The following CAMK4 variants were observed in gnomAD, a reference collection of about 807,000 sequenced individuals.
CAMK4 encodes calcium/calmodulin-dependent protein kinase type IV.
Under a neutral mutation model 44.9 loss-of-function variants are expected in CAMK4, and 22 were observed. The observed-to-expected ratio is 0.49, with a 90% CI of 0.35 to 0.70. The LOEUF is 0.70. Ranked by LOEUF, CAMK4 falls within the 30% of genes least tolerant of loss-of-function variation. The pLI is 0.01. For missense variants in CAMK4, 498 were observed against 586.8 expected (o/e 0.85, Z 1.56); for synonymous variants, 218 against 215.4 (o/e 1.01, Z -0.11).
At chr5:111,385,902 C>A (rs1372117756) in intron 4 of CAMK4, among the ~76,000 whole-genome samples, 2 of 152,056 alleles carry the variant, frequency 1.3e-5, no homozygotes. Context: ...TGAGTCAGGC[C>A]TTTTATCTAT....
chr5:111,458,606 A>C (rs1754504164), intron 7 of CAMK4, among the ~76,000 whole-genome samples: 1 of 152,330 alleles, frequency 6.6e-6, no homozygotes, highest in Middle Eastern at 3.4e-3. Flanking sequence ...CATGTAAAAT[A>C]TACAGAAAGA....
At chr5:111,242,701 C>T (rs982817693) in intron 1 of CAMK4, among the ~76,000 whole-genome samples, 2 of 152,134 alleles carry the variant, frequency 1.3e-5, no homozygotes, top group Admixed American at 6.5e-5. Flanking sequence ...TGCCGTCTTA[C>T]GCCCACCACT....
At chr5:111,370,477 G>C (rs1034109507) in intron 2 of CAMK4, among the ~76,000 whole-genome samples, 34 of 152,228 alleles carry the variant, frequency 2.2e-4, no homozygotes, top group African/African-American at 8.2e-4. Context: ...GCGGGTGTGG[G>C]AGTGGGAGAA....
chr5:111,239,320 T>C (rs1235020353), intron 1 of CAMK4, among the ~76,000 whole-genome samples: 6 of 152,212 alleles, frequency 3.9e-5, no homozygotes, highest in African/African-American at 1.4e-4. Context: ...GGATTTTTTT[T>C]AACCTTGTCA....
chr5:111,384,484 A>G (rs1318041518), intron 4 of CAMK4, among the ~76,000 whole-genome samples: 1 of 152,164 alleles, frequency 6.6e-6, no homozygotes, highest in Non-Finnish European at 1.5e-5. Context: ...CTACAGTATC[A>G]GCTAAGATGA....
At position 111,404,850 on chromosome 5, in the gene CAMK4, A is replaced by G. The variant is rs73216077; in HGVS notation, c.459+10068A>G. On this transcript the variant is annotated intron_variant, in intron 5 of 10. Transcript: ENST00000282356. Reference sequence around the variant, plus strand: ...CTATGTTATTCTTAGCTTACACCATATATAAAATATTATTTTGATGATTAT... The same window carrying G: ...CTATGTTATTCTTAGCTTACACCATGTATAAAATATTATTTTGATGATTAT... Among the ~76,000 whole-genome samples the G allele has an allele frequency of 1.7e-3, 252 of 152,330 alleles. 2 individuals carry two copies. Among genetic ancestry groups the G allele is most frequent in the African/African-American group, 5.7e-3 (236 of 41,568 alleles).
At chr5:111,241,772 T>C (rs904301339) in intron 1 of CAMK4, among the ~76,000 whole-genome samples, 3 of 152,194 alleles carry the variant, frequency 2.0e-5, no homozygotes, top group African/African-American at 7.2e-5. Flanking sequence ...TGCCAGTAAA[T>C]CATGCAATTG....
intron 1 of CAMK4, among the ~76,000 whole-genome samples, chr5:111,291,941 T>C (rs1442920474): frequency 1.3e-5 from 2 of 152,256 alleles, no homozygotes; most frequent in Non-Finnish European, 2.9e-5. Flanking sequence ...ATAAGGACAG[T>C]GTCTAGACAT....
intron 1 of CAMK4, among the ~76,000 whole-genome samples, chr5:111,254,948 A>G (rs1749677102): frequency 6.6e-6 from 1 of 151,904 alleles, no homozygotes; most frequent in East Asian, 2.0e-4. Context: ...GCTGGGGGGA[A>G]ATGTGAAGCA....
At chr5:111,235,987 G>T (rs1478365965) in intron 1 of CAMK4, among the ~76,000 whole-genome samples, 1 of 152,230 alleles carries the variant, frequency 6.6e-6, no homozygotes, top group African/African-American at 2.4e-5. Context: ...ACAGGAACAG[G>T]CAGGACACAA....
chr5:111,396,097 A>G (rs1725816235), intron 5 of CAMK4, among the ~76,000 whole-genome samples: 1 of 152,056 alleles, frequency 6.6e-6, no homozygotes, highest in Non-Finnish European at 1.5e-5. Flanking sequence ...CTGATATCTA[A>G]CTAGCCTCTG....
At chr5:111,386,411 T>C (rs1751604837) in intron 4 of CAMK4, among the ~76,000 whole-genome samples, 1 of 152,210 alleles carries the variant, frequency 6.6e-6, no homozygotes, top group African/African-American at 2.4e-5. Context: ...ACAGTTATTA[T>C]GCAGCCATTT....
intron 1 of CAMK4, among the ~76,000 whole-genome samples, chr5:111,228,862 G>A (rs538495207): frequency 1.4e-4 from 22 of 152,224 alleles, no homozygotes; most frequent in African/African-American, 5.3e-4. Flanking sequence ...TTTGCCTCCA[G>A]GTCATTACTG....
chr5:111,335,133 A>C (rs1749343914), intron 1 of CAMK4, among the ~76,000 whole-genome samples: 1 of 151,526 alleles, frequency 6.6e-6, no homozygotes, highest in Non-Finnish European at 1.5e-5. Flanking sequence ...TTGCATTTGC[A>C]AGGAGTACAT....
intron 1 of CAMK4, among the ~76,000 whole-genome samples, chr5:111,288,951 C>T (rs936068997): frequency 1.3e-5 from 2 of 152,188 alleles, no homozygotes; most frequent in African/African-American, 2.4e-5. Context: ...GTTAAAGTCC[C>T]ATGCACAGAG....
At chr5:111,242,152 C>T (rs1749023640) in intron 1 of CAMK4, among the ~76,000 whole-genome samples, 1 of 152,158 alleles carries the variant, frequency 6.6e-6, no homozygotes, top group Admixed American at 6.5e-5. Flanking sequence ...GTACATGTTA[C>T]CCCCATTTGC....
intron 1 of CAMK4, among the ~76,000 whole-genome samples, chr5:111,275,300 C>A (rs1221631326): frequency 6.6e-6 from 1 of 152,044 alleles, no homozygotes; most frequent in African/African-American, 2.4e-5. Flanking sequence ...GAGAACAAGA[C>A]CAGAATCTTA....
intron 1 of CAMK4, among the ~76,000 whole-genome samples, chr5:111,303,890 G>A (rs1198972033): frequency 6.8e-5 from 9 of 133,126 alleles, no homozygotes; most frequent in South Asian, 2.5e-4. Context: ...GACTAACAGC[G>A]GATCTCTCGG....
At chr5:111,379,798 AAG>A (rs1751347782) in intron 4 of CAMK4, among the ~76,000 whole-genome samples, 1 of 152,128 alleles carries the variant, frequency 6.6e-6, no homozygotes, top group South Asian at 2.1e-4. Context: ...TATACTCAAA[AAG>A]GTTGTATTTA....
Sources: gnomAD v4.1 joint callset for allele counts (sites outside exome capture counted in the v4.1 genomes callset) on GRCh38, gnomAD v4.1.1 for gene constraint, MANE v1.5 for transcripts, NCBI Gene and HGNC (gene_info 2026-07-23, HGNC 2026-07-21) for gene names.